The following SYNPO2L variants were observed in gnomAD, a reference collection of about 807,000 sequenced individuals.
SYNPO2L encodes the protein synaptopodin 2 like.
Under a neutral mutation model 47.5 loss-of-function variants are expected in SYNPO2L, and 34 were observed. That is an observed-to-expected ratio of 0.72 (90% CI 0.54 to 0.95). The LOEUF is 0.95. SYNPO2L is among the 40% of genes least tolerant of loss of function. The probability of loss-of-function intolerance (pLI) is 0.00; values close to 1 mark genes in which losing one functional copy is unlikely to be tolerated. For synonymous variants in SYNPO2L, 536 were observed against 524.9 expected (o/e 1.02, Z -0.29); for missense variants, 1,246 against 1,282.0 (o/e 0.97, Z 0.43).
chr10:73,650,487 T>C (rs183096700), intron 3 of SYNPO2L, among the ~76,000 whole-genome samples: 21 of 152,326 alleles, frequency 1.4e-4, no homozygotes, highest in Middle Eastern at 6.8e-3. Flanking sequence ...ATAGGATTGC[T>C]ATAAGGATTA....
intron 2 of SYNPO2L, 133 bp downstream of exon 2, chr10:73,653,996 C>T (rs1480555876): frequency 1.7e-5 from 21 of 1,208,386 alleles, no homozygotes; most frequent in Non-Finnish European, 2.4e-5. Flanking sequence ...CACAAACCAT[C>T]TGCACTCCAG....
chr10:73,653,697 T>G (rs963598627), intron 2 of SYNPO2L, 44 bp from the exon 3 acceptor site: 22 of 1,496,556 alleles, frequency 1.5e-5, no homozygotes, highest in Non-Finnish European at 2.0e-5. Flanking sequence ...GGCTGGGTAC[T>G]GACAGCTAGA....
In SYNPO2L at chr10:73,655,946, C is replaced by G; in HGVS notation, c.-24G>C. 6.5e-7 allele frequency: 1 copy of G among 1,540,954 alleles called. No individual in the cohort carries two copies. Among genetic ancestry groups the G allele is most frequent in the Non-Finnish European group, 8.8e-7 (1 of 1,140,982 alleles). ...ATCGCTCAGCTTGGCCTATGGCCCC[C>G]GGAGTTTGAACAGTGTCCCCAGGAG... On this transcript the variant is annotated 5_prime_UTR_variant, in exon 1 of 4. Coordinates refer to ENST00000394810, the MANE Select transcript of SYNPO2L (RefSeq NM_001114133.3).
chr10:73,648,958 C>G (rs2132419809), intron 3 of SYNPO2L, 79 bp from the exon 4 acceptor site: 2 of 1,413,344 alleles, frequency 1.4e-6, no homozygotes, highest in East Asian at 2.5e-5. Context: ...TTTCACCCCC[C>G]ATCCCAGCAA....
intron 1 of SYNPO2L, 29 bp from the exon 2 acceptor site, chr10:73,654,309 A>G: frequency 1.9e-6 from 3 of 1,550,644 alleles, no homozygotes; most frequent in Non-Finnish European, 2.6e-6. Flanking sequence ...CACTGTAGGT[A>G]AGAGGGGGCT....
rs1286839361 is a variant in SYNPO2L, at chr10:73,655,857, A to T, written c.66T>A (p.His22Gln). Residue 22 changes from histidine (H) to glutamine (Q), a missense_variant, in exon 1 of 4, where the codon CAT (histidine) becomes CAA (glutamine). Around this residue, in one of 3 missense-constraint regions of SYNPO2L, gnomAD observed 61 missense variants for 55.6 expected, o/e 1.10. Transcript: ENST00000394810. ...SGGAPWGFRL[H>Q]GGAEQRKPLQ... is the part of the protein sequence containing the mutation. ...ACGGTTTCCTCTGCTCGGCCCCCCC[A>T]TGAAGTCGGAAGCCCCAGGGGGCTC... is the stretch of plus-strand genomic sequence containing the variant. 3 of 1,550,658 alleles carry T rather than the reference A, an allele frequency of 1.9e-6. No individual in the cohort carries two copies. The highest frequency in any genetic ancestry group is 2.6e-6 in the Non-Finnish European group (3 of 1,146,750).
rs2081799153 is a variant in SYNPO2L at position 73,648,312 on chromosome 10, G to A, written c.1340C>T (p.Pro447Leu). ...TCCACCACCTGGTTGGAAGGGTCTGGGGCTGGCTACAGGCGCCGGCAAGGG... is the reference window on the plus strand; with the variant it reads ...TCCACCACCTGGTTGGAAGGGTCTGAGGCTGGCTACAGGCGCCGGCAAGGG... ...PSPLPAPVAS[P>L]RPFQPGGGAP... Residue 447 changes from proline to leucine, a missense_variant, in exon 4 of 4, where the codon CCC becomes CTC. Coordinates refer to ENST00000394810, the MANE Select transcript of SYNPO2L (RefSeq NM_001114133.3). 6 of 1,604,756 alleles carry A rather than the reference G, an allele frequency of 3.7e-6. No individual in the cohort carries two copies.
At chr10:73,648,953 C>G in intron 3 of SYNPO2L, 74 bp from the exon 4 acceptor site, 1 of 1,413,128 alleles carries the variant, frequency 7.1e-7, no homozygotes, top group Non-Finnish European at 9.2e-7. Flanking sequence ...AAGGCTTTCA[C>G]CCCCCATCCC....
chr10:73,653,187 C>T lies in SYNPO2L; in HGVS notation c.724G>A (p.Val242Met). ...IPMVGPVPHP[V>M]AEDLTTTYTQ... Reference sequence around the variant, plus strand: ...TAGGTGGTAGTAAGATCTTCTGCCACTGGGTGGGGAACAGGCCCCACCATA... The same window carrying T: ...TAGGTGGTAGTAAGATCTTCTGCCATTGGGTGGGGAACAGGCCCCACCATA... The change falls in exon 3 of 4, where the codon GTG (valine) becomes ATG (methionine). Residue 242 changes from valine (V) to methionine (M), a missense_variant. By Grantham distance (21) the Val-to-Met change is conservative. This residue lies in a region of SYNPO2L where 1,037 missense variants were observed against 1,021.5 expected (regional missense o/e 1.02). Transcript: ENST00000394810. 1.4e-6 allele frequency: 2 copies of T among 1,456,926 alleles called. No homozygotes were observed. The highest frequency in any genetic ancestry group is 2.8e-5 in the African/African-American group (2 of 70,288). The allele number at this position is 1,456,926 out of a possible 1,614,324, so 90.2% of individuals were successfully genotyped here. A position where few individuals can be genotyped will look rare whatever the true frequency, so the allele number is the denominator to read the frequency against.
chr10:73,646,822 C>T lies in SYNPO2L; in HGVS notation c.2830G>A (p.Ala944Thr), dbSNP rs1159125519. 1.3e-6 allele frequency: 2 copies of T among 1,546,422 alleles called. No homozygotes were observed. Among genetic ancestry groups the T allele is most frequent in the Non-Finnish European group, 1.7e-6 (2 of 1,149,256 alleles). ...PPPEAPRGLGASPSSCGFQVA... is the reference protein window; with the variant it reads ...PPPEAPRGLGTSPSSCGFQVA... ...TGGAAACCGCAGGAGCTGGGAGAAGCCCCAAGGCCCCTGGGAGCCTCTGGA... is the reference window on the plus strand; with the variant it reads ...TGGAAACCGCAGGAGCTGGGAGAAGTCCCAAGGCCCCTGGGAGCCTCTGGA... Residue 944 changes from alanine to threonine, a missense_variant, in exon 4 of 4, where the codon GCT becomes ACT. By Grantham distance (58) the Ala-to-Thr change is moderately conservative. Around this residue, in one of 3 missense-constraint regions of SYNPO2L, gnomAD observed 1,037 missense variants for 1,021.5 expected, o/e 1.02. Transcript: ENST00000394810.
intron 3 of SYNPO2L, chr10:73,649,753 G>C: frequency 1.0e-6 from 1 of 985,358 alleles, no homozygotes; most frequent in Non-Finnish European, 1.2e-6. Flanking sequence ...AGTTAAAGTT[G>C]ATCTCGGCCT....
Position 73,650,850 on chromosome 10 carries a change from T to C in SYNPO2L, c.773-1971A>G, listed in dbSNP as rs932283414. ...CCCAAAGACTACCCTTCCTAAACTA[T>C]TGACATCTTCCCCTCCATTCTAGAC... On this transcript the variant is annotated intron_variant, in intron 3 of 3. Transcript: ENST00000394810. 10 of 1,513,964 alleles carry C rather than the reference T, an allele frequency of 6.6e-6. No homozygotes were observed. The African/African-American group carries it at 9.8e-5, about 15-fold the overall frequency. 93.8% of individuals were successfully genotyped at this position (1,513,964 alleles called of 1,614,324 possible).
chr10:73,645,604 T>G lies in SYNPO2L; in HGVS notation c.*1114A>C. 1 of 986,880 alleles carries G rather than the reference T, an allele frequency of 1.0e-6. No homozygotes were observed. Among genetic ancestry groups the G allele is most frequent in the African/African-American group, 1.7e-5 (1 of 57,362 alleles). 61.1% of individuals were successfully genotyped at this position (986,880 alleles called of 1,614,324 possible). A position where few individuals can be genotyped will look rare whatever the true frequency, so the allele number is the denominator to read the frequency against. On this transcript the variant is annotated 3_prime_UTR_variant, in exon 4 of 4. Transcript: ENST00000394810. ...TTGAAATCCTGAGGTATAGAATTCT[T>G]TGTTCTATTCCTGGTCTAGCTGGTA...
rs1045276509 is a variant in SYNPO2L at position 73,655,829 on chromosome 10, G to T, written c.94C>A (p.Gln32Lys). Residue 32 changes from glutamine (Q) to lysine (K), a missense_variant, in exon 1 of 4, where the codon CAG becomes AAG. By Grantham distance (53) the Gln-to-Lys change is moderately conservative. This residue lies in a region of SYNPO2L where 61 missense variants were observed against 55.6 expected (regional missense o/e 1.10). Transcript: ENST00000394810. ...HGGAEQRKPL[Q>K]VSKIRRRSQA... ...GGGCTCTCCCTTACCTTAGACACCT[G>T]TAACGGTTTCCTCTGCTCGGCCCCC... 3.2e-6 allele frequency: 5 copies of T among 1,548,960 alleles called. No individual in the cohort carries two copies. The highest frequency in any genetic ancestry group is 4.4e-6 in the Non-Finnish European group (5 of 1,145,856).
At position 73,648,707 on chromosome 10, in the gene SYNPO2L, A is replaced by G; in HGVS notation, c.945T>C (p.Ala315=). ...CCTCCTCAGCGCCTGTCCCAGCAGC[A>G]GCCCCGAAGCTCACCAGGGTGTACT... The part of the protein sequence containing the change: ...AKKYTLVSFG[A]AAGTGAEEED... Residue 315 remains alanine, a synonymous_variant, in exon 4 of 4, where the codon GCT becomes GCC. Coordinates refer to ENST00000394810, the MANE Select transcript of SYNPO2L (RefSeq NM_001114133.3). The G allele has an allele frequency of 6.2e-7, 1 of 1,610,296 alleles. No homozygotes were observed. The highest frequency in any genetic ancestry group is 8.5e-7 in the Non-Finnish European group (1 of 1,176,856).
Position 73,654,161 on chromosome 10 carries a change from G to A in SYNPO2L, c.225C>T (p.Ala75=). The change falls in exon 2 of 4, where the codon GCC becomes GCT. Residue 75 remains alanine (A), a synonymous_variant. Coordinates refer to ENST00000394810, the MANE Select transcript of SYNPO2L (RefSeq NM_001114133.3). ...CAGTGAGGACAAGCTGATTTCCTGA[G>A]GCATCGATGAGGCTCATGGCACTGG... ...SHASAMSLID[A]SGNQLVLTVQ... 6.4e-7 allele frequency: 1 copy of A among 1,551,688 alleles called. No homozygotes were observed. Among genetic ancestry groups the A allele is most frequent in the Non-Finnish European group, 8.7e-7 (1 of 1,146,972 alleles).
chr10:73,648,237 G>A lies in SYNPO2L; in HGVS notation c.1415C>T (p.Thr472Ile), dbSNP rs775645822. 3 of 1,589,730 alleles carry A rather than the reference G, an allele frequency of 1.9e-6. No individual in the cohort carries two copies. The highest frequency in any genetic ancestry group is 1.7e-6 in the Non-Finnish European group (2 of 1,171,032). ...TGGCCGCTGCCCTTGTAGGCCCGGGGTAAAGGGCCTGGCTGACCGGTTAAA... is the reference window on the plus strand; with the variant it reads ...TGGCCGCTGCCCTTGTAGGCCCGGGATAAAGGGCCTGGCTGACCGGTTAAA... ...SIFNRSARPF[T>I]PGLQGQRPTT... Residue 472 changes from threonine to isoleucine, a missense_variant, in exon 4 of 4, where the codon ACC (threonine) becomes ATC (isoleucine). Thr to Ile is a moderately conservative substitution (Grantham distance 89). Coordinates refer to ENST00000394810, the MANE Select transcript of SYNPO2L (RefSeq NM_001114133.3).
At position 73,654,232 on chromosome 10, in the gene SYNPO2L, G is replaced by A. The variant is rs1339722730; in HGVS notation, c.154C>T (p.Gln52Ter). 1 of 1,551,660 alleles carries A rather than the reference G, an allele frequency of 6.4e-7. No individual in the cohort carries two copies. Among genetic ancestry groups the A allele is most frequent in the East Asian group, 2.4e-5 (1 of 40,920 alleles). ...GAGACCCCATTGATTGCCAAGAGCT[G>A]GTCCCTCTCTCGGAGTCCTGCTCTG... ...AGRAGLRERD[Q>*]LLAINGVSCT... is the part of the protein sequence containing the mutation. The change falls in exon 2 of 4, where the codon CAG (glutamine) becomes TAG (stop). Residue 52 changes from glutamine (Q) to a stop codon, truncating the protein, a stop_gained. Coordinates refer to ENST00000394810, the MANE Select transcript of SYNPO2L (RefSeq NM_001114133.3). LOFTEE classifies it high-confidence loss of function.
intron 2 of SYNPO2L, 132 bp downstream of exon 2, chr10:73,653,997 T>C: frequency 8.2e-7 from 1 of 1,213,268 alleles, no homozygotes; most frequent in Non-Finnish European, 1.1e-6. Context: ...ACAAACCATC[T>C]GCACTCCAGC....
Sources: allele counts gnomAD v4.1 joint callset (sites outside exome capture counted in the v4.1 genomes callset), GRCh38; gene constraint gnomAD v4.1.1; regional missense constraint gnomAD v4.1.1; transcripts MANE v1.5; gene names NCBI Gene and HGNC (gene_info 2026-07-23, HGNC 2026-07-21).